Variants in ADCY9 observed in about 807,000 individuals in gnomAD.
The protein encoded by ADCY9 is adenylate cyclase type 9.
ADCY9 carries 50 observed loss-of-function variants against 101.5 expected under a neutral mutation model. The ratio of observed to expected loss-of-function variants is 0.49; its 90% CI spans 0.39 to 0.62. The LOEUF (loss-of-function observed/expected upper bound fraction) is 0.62, where lower values mean the gene tolerates loss of function less well. ADCY9 is among the 20% of genes least tolerant of loss of function. The pLI, the probability that ADCY9 is intolerant of heterozygous loss-of-function variation, is 0.00. For synonymous variants in ADCY9, 905 were observed against 769.3 expected (o/e 1.18, Z -2.92); for missense variants, 1,662 against 1,800.4 (o/e 0.92, Z 1.39).
intron 3 of ADCY9, among the ~76,000 whole-genome samples, chr16:4,002,733 G>A (rs569101901): frequency 8.0e-4 from 122 of 152,220 alleles, no homozygotes; most frequent in African/African-American, 2.8e-3. Context: ...TTTTCTTTTC[G>A]AGATGGAGTC....
intron 2 of ADCY9, among the ~76,000 whole-genome samples, chr16:4,082,465 A>T (rs1244034541): frequency 6.6e-6 from 1 of 152,142 alleles, no homozygotes; most frequent in Admixed American, 6.6e-5. Flanking sequence ...TTCTTTCTTC[A>T]TGTCCTCCCC....
chr16:4,047,481 T>A (rs1023831928), intron 2 of ADCY9, among the ~76,000 whole-genome samples: 1 of 151,858 alleles, frequency 6.6e-6, no homozygotes, highest in Non-Finnish European at 1.5e-5. Context: ...TTTAAAAAAA[T>A]CTTCAGTTCT....
chr16:4,000,080 T>A lies in ADCY9; in HGVS notation c.1885-6570A>T, dbSNP rs12325124. Reference sequence around the variant, plus strand: ...GACTGTTTTGCAAGATGTCGTGTTATCAGAAGCATCCTTTGCTCCCAAACT... The same window carrying A: ...GACTGTTTTGCAAGATGTCGTGTTAACAGAAGCATCCTTTGCTCCCAAACT... On this transcript the variant is annotated intron_variant, in intron 3 of 10. Coordinates refer to ENST00000294016, the MANE Select transcript of ADCY9 (RefSeq NM_001116.4). Among the ~76,000 whole-genome samples the A allele has an allele frequency of 4.6e-3, 698 of 152,332 alleles. 11 individuals are homozygous for A. The highest frequency in any genetic ancestry group is 0.015 in the African/African-American group (637 of 41,572).
In ADCY9 at chr16:3,991,411, C is replaced by G. The variant is rs182690586; in HGVS notation, c.2207+735G>C. 5.3e-5 allele frequency among the ~76,000 whole-genome samples: 8 copies of G among 152,188 alleles called. No homozygotes were observed. In the East Asian group the frequency reaches 1.4e-3, roughly 26 times the overall value. On this transcript the variant is annotated intron_variant, in intron 5 of 10. Coordinates refer to ENST00000294016, the MANE Select transcript of ADCY9 (RefSeq NM_001116.4). Reference sequence around the variant, plus strand: ...GCCTGGCCAGAGGGAGAGCCTGAATCTAACCAATCCAACTTCAGGAATATT... The same window carrying G: ...GCCTGGCCAGAGGGAGAGCCTGAATGTAACCAATCCAACTTCAGGAATATT...
chr16:3,969,569 A>AAAATATATATAT (rs2056029345), intron 10 of ADCY9, among the ~76,000 whole-genome samples: 4 of 45,242 alleles, frequency 8.8e-5, no homozygotes, highest in Non-Finnish European at 1.8e-4. Flanking sequence ...GTTTGTTTGA[A>AAAATATATATAT]ATATATATAT....
chr16:4,057,899 G>A (rs961165554), intron 2 of ADCY9, among the ~76,000 whole-genome samples: 1 of 152,076 alleles, frequency 6.6e-6, no homozygotes, highest in Admixed American at 6.6e-5. Context: ...AAGGAGAGTT[G>A]AGTAATCCCA....
chr16:4,099,080 G>C lies in ADCY9; in HGVS notation c.1693+14670C>G, dbSNP rs147330590. On this transcript the variant is annotated intron_variant, in intron 2 of 10. Coordinates refer to ENST00000294016, the MANE Select transcript of ADCY9 (RefSeq NM_001116.4). ...CCCGAGTAGCTGGGATTACAGGTGT[G>C]CGCCACGACACCCGGCTAATTTTTG... Among the ~76,000 whole-genome samples, 1,431 of 152,024 alleles carry C rather than the reference G, an allele frequency of 9.4e-3. 22 individuals carry two copies. The highest frequency in any genetic ancestry group is 0.032 in the African/African-American group (1,323 of 41,442).
chr16:4,077,609 C>T (rs1265666437), intron 2 of ADCY9, among the ~76,000 whole-genome samples: 1 of 152,028 alleles, frequency 6.6e-6, no homozygotes, highest in Admixed American at 6.6e-5. Context: ...ACCTTTCAGT[C>T]CAATTTTTTA....
rs937548551 is a variant in ADCY9 at position 3,992,620 on chromosome 16, G to C, written c.1990-257C>G. Among the ~76,000 whole-genome samples the C allele has an allele frequency of 3.3e-5, 5 of 152,146 alleles. No homozygotes were observed. The highest frequency in any genetic ancestry group is 5.9e-5 in the Non-Finnish European group (4 of 68,032). ...GGTGTTCAGGCTGCCAGGACATTGA[G>C]ACATGGGAAGAGTCGGTGCGGAGGT... On this transcript the variant is annotated intron_variant, in intron 4 of 10. Transcript: ENST00000294016. The surrounding 1 kb of genome is among the most constrained non-coding windows in gnomAD (Gnocchi z 4.2).
intron 2 of ADCY9, among the ~76,000 whole-genome samples, chr16:4,028,604 C>T (rs117714158): frequency 0.014 from 2,084 of 152,178 alleles, 20 homozygotes; most frequent in Middle Eastern, 0.027. Flanking sequence ...GCAGGTATTG[C>T]CTGAAACCAG....
intron 6 of ADCY9, among the ~76,000 whole-genome samples, chr16:3,987,645 C>T (rs907053697): frequency 1.3e-5 from 2 of 152,244 alleles, no homozygotes; most frequent in Non-Finnish European, 2.9e-5. Flanking sequence ...TATTCACTGT[C>T]CCTTGGAGGC....
chr16:3,997,315 G>T (rs2056295014), intron 3 of ADCY9, among the ~76,000 whole-genome samples: 1 of 152,240 alleles, frequency 6.6e-6, no homozygotes, highest in Non-Finnish European at 1.5e-5. Context: ...CTGAGGACAG[G>T]GGGCTCCATG....
Position 4,115,126 on chromosome 16 carries a change from T to C in ADCY9, c.317A>G (p.Glu106Gly), listed in dbSNP as rs756054360. Residue 106 changes from glutamate to glycine, a missense_variant, in exon 2 of 11, where the codon GAG (glutamate) becomes GGG (glycine). By Grantham distance (98) the Glu-to-Gly change is moderately conservative (BLOSUM62 -2). Transcript: ENST00000294016. This position sits in a 1 kb window ranked among gnomAD's most constrained non-coding sequence, Gnocchi z 6.2. Reference protein sequence around the residue: ...DSVNLEEACLERCFPQTQRRF... With the variant: ...DSVNLEEACLGRCFPQTQRRF... ...GCGCTGGGTCTGCGGGAAGCAGCGCTCCAGGCAGGCCTCCTCCAGGTTCAC... is the reference window on the plus strand; with the variant it reads ...GCGCTGGGTCTGCGGGAAGCAGCGCCCCAGGCAGGCCTCCTCCAGGTTCAC... 43 of 1,613,822 alleles carry C rather than the reference T, an allele frequency of 2.7e-5. No homozygotes were observed. Among genetic ancestry groups the C allele is most frequent in the Non-Finnish European group, 3.5e-5 (41 of 1,180,030 alleles).
intron 2 of ADCY9, among the ~76,000 whole-genome samples, chr16:4,043,719 C>A (rs2056643498): frequency 6.6e-6 from 1 of 152,016 alleles, no homozygotes; most frequent in Non-Finnish European, 1.5e-5. Flanking sequence ...AATGTGGAGT[C>A]TTTTATTCTT....
intron 2 of ADCY9, among the ~76,000 whole-genome samples, chr16:4,039,555 T>C (rs1339616590): frequency 6.6e-6 from 1 of 151,888 alleles, no homozygotes; most frequent in African/African-American, 2.4e-5. Flanking sequence ...GGCATGTATC[T>C]GTAATCTCAA....
chr16:4,086,571 G>A (rs2056940178), intron 2 of ADCY9, among the ~76,000 whole-genome samples: 1 of 152,104 alleles, frequency 6.6e-6, no homozygotes. Flanking sequence ...CTACTTAGGG[G>A]ACAGCTCACT....
At position 4,026,977 on chromosome 16, in the gene ADCY9, T is replaced by C. The variant is rs142008097; in HGVS notation, c.1694-19419A>G. Among the ~76,000 whole-genome samples, 40 of 152,324 alleles carry C rather than the reference T, an allele frequency of 2.6e-4. No individual in the cohort carries two copies. In the East Asian group the frequency reaches 6.6e-3, roughly 25 times the overall value. ...GATGAAAAATGGAAAGTACCTCTGA[T>C]TGGTTCCCTCCCGCAACCAACCAGA... On this transcript the variant is annotated intron_variant, in intron 2 of 10. Coordinates refer to ENST00000294016, the MANE Select transcript of ADCY9 (RefSeq NM_001116.4).
At chr16:4,074,296 G>GCA (rs2056852766) in intron 2 of ADCY9, among the ~76,000 whole-genome samples, 1 of 151,684 alleles carries the variant, frequency 6.6e-6, no homozygotes, top group South Asian at 2.1e-4. Context: ...ATATTTGGAG[G>GCA]CAGACTGATA....
chr16:4,041,180 A>G (rs910969854), intron 2 of ADCY9, among the ~76,000 whole-genome samples: 1 of 152,242 alleles, frequency 6.6e-6, no homozygotes, highest in East Asian at 1.9e-4. Context: ...TCCTTCTCTG[A>G]ATTTCTACCC....
Sources: allele counts gnomAD v4.1 joint callset (sites outside exome capture counted in the v4.1 genomes callset), GRCh38; gene constraint gnomAD v4.1.1; non-coding constraint Gnocchi (gnomAD v3.1); transcripts MANE v1.5; gene names NCBI Gene and HGNC (gene_info 2026-07-23, HGNC 2026-07-21).